The following TENM2 variants were observed in gnomAD, a reference collection of about 807,000 sequenced individuals.
TENM2 encodes the protein teneurin-2.
TENM2 carries 52 observed loss-of-function variants against 245.2 expected under a neutral mutation model. The ratio of observed to expected loss-of-function variants is 0.21; its 90% confidence interval spans 0.17 to 0.27. The LOEUF (loss-of-function observed/expected upper bound fraction) is 0.27. Ranked by LOEUF, TENM2 falls within the 10% of genes least tolerant of loss-of-function variation. The pLI, the probability that TENM2 is intolerant of heterozygous loss-of-function variation, is 1.00. For synonymous variants in TENM2, 1,363 were observed against 1,438.9 expected (o/e 0.95, Z 1.19); for missense variants, 3,046 against 3,666.8 (o/e 0.83, Z 4.37).
chr5:168,115,091 C>T (rs1387334358), intron 9 of TENM2, among the ~76,000 whole-genome samples: 4 of 151,942 alleles, frequency 2.6e-5, no homozygotes, highest in East Asian at 1.9e-4. Context: ...GTCAGGAGTT[C>T]GAGACCAGCC....
chr5:167,008,552 G>T, the TENM2 span, among the ~76,000 whole-genome samples: 1 of 152,122 alleles, frequency 6.6e-6, no homozygotes, highest in African/African-American at 2.4e-5. Context: ...GATCAGTTTT[G>T]TGTGTTTGTG....
chr5:167,607,991 A>G (rs1445958529), intron 2 of TENM2, among the ~76,000 whole-genome samples: 1 of 152,046 alleles, frequency 6.6e-6, no homozygotes, highest in Non-Finnish European at 1.5e-5. Context: ...CGCTTGGCCA[A>G]CGTATTGAGC....
intron 12 of TENM2, among the ~76,000 whole-genome samples, chr5:168,127,177 A>C (rs914325387): frequency 6.6e-6 from 1 of 152,190 alleles, no homozygotes; most frequent in East Asian, 1.9e-4. Context: ...AAGGGACCAG[A>C]GCAGATAAGA....
intron 2 of TENM2, among the ~76,000 whole-genome samples, chr5:167,682,158 C>T (rs1756773232): frequency 7.1e-6 from 1 of 140,092 alleles, no homozygotes. Flanking sequence ...TCCTTCCTTC[C>T]TTCCTTCCTC....
chr5:167,321,977 C>T (rs1460851473), intron 1 of TENM2, among the ~76,000 whole-genome samples: 2 of 151,696 alleles, frequency 1.3e-5, no homozygotes, highest in Non-Finnish European at 2.9e-5. Context: ...TACAGGCATG[C>T]ACCACCACGT....
intron 2 of TENM2, among the ~76,000 whole-genome samples, chr5:167,857,989 A>G (rs1771248238): frequency 6.6e-6 from 1 of 152,206 alleles, no homozygotes; most frequent in Non-Finnish European, 1.5e-5. Flanking sequence ...GATCAGGGAT[A>G]TTATCTAAGG....
At chr5:168,077,354 G>GTA (rs1361455514) in intron 7 of TENM2, among the ~76,000 whole-genome samples, 2 of 151,842 alleles carry the variant, frequency 1.3e-5, no homozygotes, top group African/African-American at 4.8e-5. Flanking sequence ...TCTTTAGTGA[G>GTA]TACCCACTAT....
the TENM2 span, among the ~76,000 whole-genome samples, chr5:167,111,109 A>G: frequency 1.3e-3 from 205 of 152,318 alleles, no homozygotes; most frequent in African/African-American, 4.5e-3. Context: ...AATATTTTAG[A>G]TACATTATAT....
At chr5:168,131,212 C>T (rs138005929) in intron 12 of TENM2, among the ~76,000 whole-genome samples, 25 of 152,308 alleles carry the variant, frequency 1.6e-4, no homozygotes, top group African/African-American at 5.1e-4. Flanking sequence ...CAAACTAACC[C>T]GCAGACTAAA....
chr5:167,320,822 T>A (rs746429784), intron 1 of TENM2, among the ~76,000 whole-genome samples: 9 of 152,208 alleles, frequency 5.9e-5, no homozygotes, highest in Non-Finnish European at 1.3e-4. Context: ...TCTCAGCTAT[T>A]CTGTTATAGT....
intron 1 of TENM2, among the ~76,000 whole-genome samples, chr5:167,300,015 G>A (rs181110933): frequency 0.012 from 1,818 of 152,274 alleles, 41 homozygotes; most frequent in African/African-American, 0.042. Context: ...GCTGCTGCAC[G>A]CAGACATGAG....
chr5:167,215,882 C>G, the TENM2 span, among the ~76,000 whole-genome samples: 4 of 152,016 alleles, frequency 2.6e-5, no homozygotes, highest in Non-Finnish European at 5.9e-5. Flanking sequence ...GTTGATTGAT[C>G]TTTTTTTTAA....
intron 2 of TENM2, among the ~76,000 whole-genome samples, chr5:167,397,100 A>G (rs1762096335): frequency 6.6e-6 from 1 of 152,144 alleles, no homozygotes; most frequent in Non-Finnish European, 1.5e-5. Context: ...GAAAGAAGAA[A>G]CATTTTCTAA....
chr5:167,029,357 A>T, the TENM2 span, among the ~76,000 whole-genome samples: 3 of 152,182 alleles, frequency 2.0e-5, no homozygotes, highest in African/African-American at 7.2e-5. Flanking sequence ...TGTAATAAAG[A>T]CAACTAAAAA....
intron 9 of TENM2, among the ~76,000 whole-genome samples, chr5:168,118,077 A>C (rs948804201): frequency 5.3e-5 from 8 of 152,262 alleles, no homozygotes; most frequent in Non-Finnish European, 1.0e-4. Flanking sequence ...TACCGTGCCC[A>C]GCACATAACA....
At chr5:168,016,102 C>G (rs1425922684) in intron 5 of TENM2, among the ~76,000 whole-genome samples, 1 of 152,218 alleles carries the variant, frequency 6.6e-6, no homozygotes, top group Non-Finnish European at 1.5e-5. Flanking sequence ...TTATGCAACA[C>G]TCACTCTATG....
chr5:167,932,509 C>A (rs1272985095), intron 3 of TENM2, among the ~76,000 whole-genome samples: 1 of 151,908 alleles, frequency 6.6e-6, no homozygotes, highest in African/African-American at 2.4e-5. Flanking sequence ...TTGACCCTAC[C>A]AGTTATGCCT....
intron 2 of TENM2, chr5:167,653,602 T>C (rs942238862): frequency 6.6e-6 from 1 of 152,192 alleles, no homozygotes; most frequent in Non-Finnish European, 1.5e-5. Context: ...GGCATACTTA[T>C]TGAACTTTTA....
chr5:167,878,659 T>C lies in TENM2; in HGVS notation c.712+2464T>C, dbSNP rs138452699. ...GGCAAATTGGGGATTCTATCAAGAT[T>C]TGAATGCAGTTGTCATGAATTTAAA... On this transcript the variant is annotated intron_variant, in intron 3 of 28. Transcript: ENST00000518659. 3.0e-3 allele frequency among the ~76,000 whole-genome samples: 462 copies of C among 152,058 alleles called. 1 individual carries two copies. Among genetic ancestry groups the C allele is most frequent in the African/African-American group, 0.011 (445 of 41,448 alleles).
Sources: allele counts gnomAD v4.1 joint callset (sites outside exome capture counted in the v4.1 genomes callset), GRCh38; gene constraint gnomAD v4.1.1; transcripts MANE v1.5; gene names NCBI Gene and HGNC (gene_info 2026-07-23, HGNC 2026-07-21).